The following MYO16 variants were observed in gnomAD, a reference collection of about 807,000 sequenced individuals.
The protein encoded by MYO16 is myosin XVI.
In MYO16, 94 loss-of-function variants were observed where a neutral mutation model predicts 205.3. That is an observed-to-expected ratio of 0.46 (90% CI 0.39 to 0.54). MYO16 has a LOEUF of 0.54. Ranked by LOEUF, MYO16 falls within the 20% of genes least tolerant of loss-of-function variation. The probability of loss-of-function intolerance (pLI) is 0.00; values close to 1 mark genes in which losing one functional copy is unlikely to be tolerated. For missense variants in MYO16, 2,315 were observed against 2,387.5 expected (o/e 0.97, Z 0.63); for synonymous variants, 988 against 954.0 (o/e 1.04, Z -0.66).
At chr13:108,496,137 AGGAGGCTTG>A in the MYO16 span, among the ~76,000 whole-genome samples, 54 of 152,130 alleles carry the variant, frequency 3.5e-4, 1 homozygote, top group African/African-American at 1.2e-3. Flanking sequence ...GGGCGTGGAG[AGGAGGCTTG>A]TCGGTCCCTT....
At chr13:109,074,084 G>A (rs1888012380) in intron 27 of MYO16, among the ~76,000 whole-genome samples, 1 of 152,092 alleles carries the variant, frequency 6.6e-6, no homozygotes, top group African/African-American at 2.4e-5. Context: ...TTCATGAATG[G>A]ACATTTATTT....
chr13:108,991,275 T>TA (rs568180646), intron 20 of MYO16, among the ~76,000 whole-genome samples: 101 of 152,320 alleles, frequency 6.6e-4, no homozygotes, highest in African/African-American at 2.4e-3. Context: ...GGGCCTGTCT[T>TA]ACATCTTTCC....
At chr13:108,535,080 CCCTCTT>C in the MYO16 span, among the ~76,000 whole-genome samples, 2 of 149,096 alleles carry the variant, frequency 1.3e-5, no homozygotes, top group African/African-American at 4.9e-5. Flanking sequence ...CTTCTTCTTC[CCCTCTT>C]CCTCTTCCTT....
At chr13:109,033,080 A>G (rs1252798797) in intron 23 of MYO16, among the ~76,000 whole-genome samples, 3 of 152,184 alleles carry the variant, frequency 2.0e-5, no homozygotes, top group Non-Finnish European at 2.9e-5. Flanking sequence ...CAATGCCCCT[A>G]AAGGCCCACC....
intron 27 of MYO16, chr13:109,065,659 T>C: frequency 2.4e-6 from 1 of 415,220 alleles, no homozygotes; most frequent in Non-Finnish European, 4.6e-6. Context: ...TTCTCATCCA[T>C]ACATCTTTGT....
At chr13:108,707,560 T>G (rs1883559654) in intron 2 of MYO16, among the ~76,000 whole-genome samples, 1 of 152,128 alleles carries the variant, frequency 6.6e-6, no homozygotes, top group Non-Finnish European at 1.5e-5. Flanking sequence ...CGGATCCATG[T>G]AAGGGAGGTC....
intron 23 of MYO16, among the ~76,000 whole-genome samples, chr13:109,020,917 C>T (rs958904723): frequency 3.3e-5 from 5 of 151,972 alleles, no homozygotes; most frequent in Non-Finnish European, 5.9e-5. Flanking sequence ...ATCTCAGCTT[C>T]GAATAGGGAA....
At chr13:108,848,545 A>G (rs570349977) in intron 10 of MYO16, among the ~76,000 whole-genome samples, 13 of 152,306 alleles carry the variant, frequency 8.5e-5, no homozygotes, top group Non-Finnish European at 1.8e-4. Context: ...GGCTTACTCC[A>G]ATGATCCCAG....
rs541060186 is a variant in MYO16 at position 109,164,928 on chromosome 13, G to T, written c.5192G>T (p.Ser1731Ile). 8.8e-6 allele frequency: 14 copies of T among 1,588,098 alleles called. No homozygotes were observed. The South Asian group carries it at 1.3e-4, about 15-fold the overall frequency. Residue 1731 changes from serine to isoleucine, a missense_variant, in exon 33 of 35, where the codon AGC becomes ATC. Physicochemically the swap from Ser to Ile is moderately radical, Grantham distance 142 (BLOSUM62 -2). This residue lies in a region of MYO16 where 1,097 missense variants were observed against 1,092.0 expected (regional missense o/e 1.00). Coordinates refer to ENST00000457511, the MANE Select transcript of MYO16 (RefSeq NM_001198950.3). ...TTTGAAACTAACATGAACATAAGTAGCCGAGATGACCCTAGTACGTCAGAA... is the reference window on the plus strand; with the variant it reads ...TTTGAAACTAACATGAACATAAGTATCCGAGATGACCCTAGTACGTCAGAA... ...EGFETNMNIS[S>I]RDDPSTSEIT...
At chr13:108,652,904 C>CCTCT (rs1881075735) in intron 1 of MYO16, among the ~76,000 whole-genome samples, 1 of 151,984 alleles carries the variant, frequency 6.6e-6, no homozygotes, top group African/African-American at 2.4e-5. Context: ...TGATGTATAC[C>CCTCT]CAGAAGTAGC....
chr13:108,849,213 T>C (rs959216524), intron 10 of MYO16, among the ~76,000 whole-genome samples: 4 of 152,176 alleles, frequency 2.6e-5, no homozygotes, highest in South Asian at 4.1e-4. Context: ...TTTTCTGAGA[T>C]GACGTCTTAC....
intron 3 of MYO16, among the ~76,000 whole-genome samples, chr13:108,714,572 A>G (rs1883858944): frequency 6.8e-6 from 1 of 147,452 alleles, no homozygotes; most frequent in South Asian, 2.3e-4. Flanking sequence ...AGAGACTGTC[A>G]CTTCTTCACG....
At chr13:108,663,203 T>C (rs1881579448) in intron 1 of MYO16, among the ~76,000 whole-genome samples, 1 of 152,176 alleles carries the variant, frequency 6.6e-6, no homozygotes, top group Non-Finnish European at 1.5e-5. Flanking sequence ...GGAGCTAAAA[T>C]TCACAATGCA....
At chr13:108,559,303 G>A in the MYO16 span, among the ~76,000 whole-genome samples, 1,659 of 152,082 alleles carry the variant, frequency 0.011, 16 homozygotes, top group Middle Eastern at 0.02. Context: ...ATTGCTGGGA[G>A]CCCCAGAAAC....
intron 11 of MYO16, among the ~76,000 whole-genome samples, chr13:108,860,196 A>T (rs1878388075): frequency 6.8e-6 from 1 of 146,088 alleles, no homozygotes; most frequent in African/African-American, 2.5e-5. Flanking sequence ...CCTGGTGACT[A>T]CCGTTTCCTT....
intron 16 of MYO16, among the ~76,000 whole-genome samples, chr13:108,927,404 G>A (rs550024552): frequency 3.3e-5 from 5 of 151,988 alleles, no homozygotes; most frequent in African/African-American, 1.2e-4. Context: ...TGGTATAATG[G>A]GCCTGGGGCA....
chr13:109,140,718 G>A lies in MYO16; in HGVS notation c.4506G>A (p.Pro1502=). ...CAGGGGACGCGTGCGACATCCCGCC[G>A]CCCTTCCCCAACCTGCTGCCGCACC... ...GPPGDACDIP[P]PFPNLLPHRP... The change falls in exon 32 of 35, where the codon CCG becomes CCA. Residue 1502 remains proline (P), a synonymous_variant. Transcript: ENST00000457511. The surrounding 1 kb of genome is among the most constrained non-coding windows in gnomAD (Gnocchi z 8.0). 6.7e-7 allele frequency: 1 copy of A among 1,499,646 alleles called. No homozygotes were observed. The highest frequency in any genetic ancestry group is 8.9e-7 in the Non-Finnish European group (1 of 1,125,858). 92.9% of individuals were successfully genotyped at this position (1,499,646 alleles called of 1,614,324 possible).
intron 34 of MYO16, among the ~76,000 whole-genome samples, chr13:109,185,911 A>G (rs1879667374): frequency 6.6e-6 from 1 of 152,240 alleles, no homozygotes; most frequent in South Asian, 2.1e-4. Flanking sequence ...TCTACAGATT[A>G]TTCTGCAAAC....
intron 20 of MYO16, among the ~76,000 whole-genome samples, chr13:108,991,183 G>A (rs1222863742): frequency 1.3e-5 from 2 of 152,044 alleles, no homozygotes; most frequent in Non-Finnish European, 2.9e-5. Context: ...AGTTCATGCC[G>A]ACGTCCCCAT....
Sources: gnomAD v4.1 joint callset for allele counts (sites outside exome capture counted in the v4.1 genomes callset) on GRCh38, gnomAD v4.1.1 for gene constraint, gnomAD v4.1.1 regional missense constraint, Gnocchi (gnomAD v3.1) non-coding constraint, MANE v1.5 for transcripts, NCBI Gene and HGNC (gene_info 2026-07-23, HGNC 2026-07-21) for gene names.